Variants in TG observed in about 807,000 individuals in gnomAD.
TG encodes the protein thyroglobulin.
Under a neutral mutation model 324.7 loss-of-function variants are expected in TG, and 270 were observed. The ratio of observed to expected loss-of-function variants is 0.83; its 90% CI spans 0.75 to 0.92. The LOEUF is 0.92. Among genes scored for constraint, TG ranks in the 40% least tolerant of loss-of-function variants. TG has a pLI of 0.00. For synonymous variants in TG, 1,401 were observed against 1,327.0 expected, an observed-to-expected ratio of 1.06 and a Z score of -1.21; for missense variants, 3,591 against 3,456.4, an observed-to-expected ratio of 1.04 and a Z score of -0.98.
intron 41 of TG, among the ~76,000 whole-genome samples, chr8:133,088,486 C>A (rs1227229873): frequency 6.6e-6 from 1 of 152,216 alleles, no homozygotes; most frequent in East Asian, 1.9e-4. Flanking sequence ...CCTACCCACT[C>A]CAAGCCTCAG....
intron 35 of TG, among the ~76,000 whole-genome samples, chr8:132,998,590 G>A (rs1429333257): frequency 6.6e-6 from 1 of 152,228 alleles, no homozygotes; most frequent in East Asian, 1.9e-4. Context: ...GGAGGTCTTG[G>A]TTGGATGATG....
At chr8:133,115,483 C>G (rs1198125799) in intron 44 of TG, among the ~76,000 whole-genome samples, 1 of 152,196 alleles carries the variant, frequency 6.6e-6, no homozygotes, top group East Asian at 1.9e-4. Context: ...ACTTCAGAGC[C>G]TCACCTGGGA....
intron 41 of TG, among the ~76,000 whole-genome samples, chr8:133,059,552 C>T (rs182318857): frequency 6.6e-6 from 1 of 152,222 alleles, no homozygotes; most frequent in African/African-American, 2.4e-5. Flanking sequence ...TTAGGCTCTT[C>T]CCCCGAGAAT....
intron 45 of TG, among the ~76,000 whole-genome samples, chr8:133,129,157 G>T (rs1032148556): frequency 2.6e-5 from 4 of 152,150 alleles, no homozygotes; most frequent in Non-Finnish European, 4.4e-5. Flanking sequence ...CCCTTAAACT[G>T]CTCAAAATAA....
chr8:133,036,533 C>T (rs1188060135), intron 41 of TG, among the ~76,000 whole-genome samples: 1 of 152,276 alleles, frequency 6.6e-6, no homozygotes, highest in Non-Finnish European at 1.5e-5. Context: ...TTTCGTAAGA[C>T]ACCCCCCAGA....
intron 20 of TG, 69 bp downstream of exon 20, chr8:132,913,334 A>G: frequency 8.7e-6 from 13 of 1,499,600 alleles, no homozygotes; most frequent in Non-Finnish European, 1.2e-5. Flanking sequence ...CCACCTCAGC[A>G]CTGGAGAGAG....
intron 17 of TG, among the ~76,000 whole-genome samples, chr8:132,907,352 G>A (rs939281783): frequency 1.3e-5 from 2 of 152,186 alleles, no homozygotes; most frequent in African/African-American, 4.8e-5. Context: ...TGGCTTAGCA[G>A]GAGGCCCTGG....
At position 133,113,568 on chromosome 8, in the gene TG, T is replaced by C. The variant is rs563168787; in HGVS notation, c.7719T>C (p.Tyr2573=). ...CTCTGGAGCACTCCACGGATGACTA[T>C]GCCTCCTTCTCCCGGGCTCTGGAGA... ...YYSLEHSTDD[Y]ASFSRALENA... is the part of the protein sequence containing the mutation. The change falls in exon 44 of 48, where the codon TAT becomes TAC. Residue 2573 remains tyrosine (Y), a synonymous_variant. Coordinates refer to ENST00000220616, the MANE Select transcript of TG (RefSeq NM_003235.5). 4.3e-6 allele frequency: 7 copies of C among 1,614,200 alleles called. No homozygotes were observed. The South Asian group carries it at 6.6e-5, about 15-fold the overall frequency.
intron 8 of TG, among the ~76,000 whole-genome samples, chr8:132,884,311 G>A (rs531827550): frequency 2.5e-4 from 38 of 152,280 alleles, no homozygotes; most frequent in African/African-American, 9.1e-4. Context: ...TTAGGCATTC[G>A]AGCCAGACCC....
At chr8:133,073,619 C>T (rs1229089124) in intron 41 of TG, among the ~76,000 whole-genome samples, 1 of 152,190 alleles carries the variant, frequency 6.6e-6, no homozygotes, top group East Asian at 1.9e-4. Flanking sequence ...CTCCACTTTT[C>T]GAAGGACCAC....
At chr8:132,987,436 C>G (rs1250003392) in intron 35 of TG, among the ~76,000 whole-genome samples, 1 of 145,914 alleles carries the variant, frequency 6.9e-6, no homozygotes, top group African/African-American at 2.6e-5. Context: ...TATGTACTCT[C>G]TATTCAGGGA....
intron 8 of TG, among the ~76,000 whole-genome samples, chr8:132,886,125 C>T (rs1226935740): frequency 1.3e-5 from 2 of 152,136 alleles, no homozygotes; most frequent in African/African-American, 2.4e-5. Context: ...GGACACTATT[C>T]ACCTGAGTAC....
intron 41 of TG, among the ~76,000 whole-genome samples, chr8:133,071,114 T>C (rs1423564784): frequency 6.6e-6 from 1 of 152,168 alleles, no homozygotes; most frequent in African/African-American, 2.4e-5. Flanking sequence ...CTCAGATTGG[T>C]GCCGTCCCTT....
At chr8:133,052,188 C>A (rs1840533330) in intron 41 of TG, among the ~76,000 whole-genome samples, 1 of 152,112 alleles carries the variant, frequency 6.6e-6, no homozygotes, top group African/African-American at 2.4e-5. Flanking sequence ...CTTGGGCAGA[C>A]TAAGTCTAAA....
At chr8:132,922,649 T>C (rs181272790) in intron 21 of TG, among the ~76,000 whole-genome samples, 1 of 152,334 alleles carries the variant, frequency 6.6e-6, no homozygotes, top group East Asian at 1.9e-4. Context: ...CAGCAGAAAT[T>C]TATTTCTCAC....
intron 35 of TG, among the ~76,000 whole-genome samples, chr8:132,989,419 T>C (rs1221743313): frequency 6.6e-6 from 1 of 152,238 alleles, no homozygotes; most frequent in Non-Finnish European, 1.5e-5. Context: ...TGAGCCCTTT[T>C]GAGCAATGGG....
intron 22 of TG, among the ~76,000 whole-genome samples, chr8:132,928,262 A>G (rs565807847): frequency 2.0e-4 from 30 of 152,324 alleles, no homozygotes; most frequent in South Asian, 1.2e-3. Flanking sequence ...GCTTGTATAT[A>G]TGTTTATAAT....
At chr8:133,069,892 T>A (rs1351469629) in intron 41 of TG, among the ~76,000 whole-genome samples, 1 of 150,366 alleles carries the variant, frequency 6.7e-6, no homozygotes, top group African/African-American at 2.4e-5. Context: ...TCCCAGCTAC[T>A]TGGGAGGCTG....
chr8:133,040,226 C>G, intron 41 of TG: 2 of 1,369,568 alleles, frequency 1.5e-6, no homozygotes, highest in Non-Finnish European at 2.0e-6. Flanking sequence ...AGCTCCCTGG[C>G]TGCTGCCATG....
Sources: allele counts gnomAD v4.1 joint callset (sites outside exome capture counted in the v4.1 genomes callset), GRCh38; gene constraint gnomAD v4.1.1; transcripts MANE v1.5; gene names NCBI Gene and HGNC (gene_info 2026-07-23, HGNC 2026-07-21).